Variants in HMCN1 observed in about 807,000 individuals in gnomAD.
HMCN1 encodes the protein hemicentin-1.
In HMCN1, 321 loss-of-function variants were observed where a neutral mutation model predicts 625.9. The ratio of observed to expected loss-of-function variants is 0.51; its 90% confidence interval spans 0.47 to 0.56. HMCN1 has a LOEUF of 0.56. Among genes scored for constraint, HMCN1 ranks in the 20% least tolerant of loss-of-function variants. HMCN1 has a pLI of 0.00. For synonymous variants in HMCN1, 2,425 were observed against 2,417.6 expected (o/e 1.00, Z -0.09); for missense variants, 6,588 against 6,887.3 (o/e 0.96, Z 1.54).
At chr1:186,056,374 T>G (rs1012540235) in intron 45 of HMCN1, among the ~76,000 whole-genome samples, 4 of 152,020 alleles carry the variant, frequency 2.6e-5, no homozygotes, top group African/African-American at 9.7e-5. Flanking sequence ...TTACTCTTAA[T>G]TTTTAGAATT....
intron 105 of HMCN1, among the ~76,000 whole-genome samples, chr1:186,182,694 T>C (rs1653009318): frequency 6.6e-6 from 1 of 152,232 alleles, no homozygotes; most frequent in Non-Finnish European, 1.5e-5. Context: ...AACTTATTTT[T>C]AAAGTGATCA....
intron 1 of HMCN1, among the ~76,000 whole-genome samples, chr1:185,785,006 T>C (rs1170619360): frequency 6.6e-6 from 1 of 152,250 alleles, no homozygotes; most frequent in African/African-American, 2.4e-5. Flanking sequence ...ATGTTTTGCA[T>C]GTAACAATTT....
intron 1 of HMCN1, among the ~76,000 whole-genome samples, chr1:185,775,546 TA>T (rs1656539162): frequency 6.6e-6 from 1 of 152,234 alleles, no homozygotes; most frequent in Non-Finnish European, 1.5e-5. Context: ...TGGTCACATA[TA>T]AACAGGCTGG....
intron 2 of HMCN1, among the ~76,000 whole-genome samples, chr1:185,864,125 T>C (rs886218659): frequency 6.6e-6 from 1 of 152,144 alleles, no homozygotes; most frequent in Admixed American, 6.5e-5. Context: ...GTCTTCTCAA[T>C]ACAATAAGCA....
chr1:185,986,418 C>T (rs1571666974), intron 19 of HMCN1, among the ~76,000 whole-genome samples: 2 of 152,210 alleles, frequency 1.3e-5, no homozygotes, highest in South Asian at 2.1e-4. Flanking sequence ...AAGGAAACGC[C>T]TGTTATAGAT....
chr1:185,891,981 C>G (rs1665124599), intron 4 of HMCN1, among the ~76,000 whole-genome samples: 1 of 151,278 alleles, frequency 6.6e-6, no homozygotes, highest in Admixed American at 6.5e-5. Context: ...TTCACATAGT[C>G]CCACATTTCT....
At chr1:186,152,540 G>C (rs1259743636) in intron 95 of HMCN1, among the ~76,000 whole-genome samples, 1 of 152,130 alleles carries the variant, frequency 6.6e-6, no homozygotes, top group Non-Finnish European at 1.5e-5. Context: ...CCACATTTTT[G>C]CTACATAAAA....
At chr1:186,184,877 C>T (rs1481155909) in intron 105 of HMCN1, among the ~76,000 whole-genome samples, 1 of 152,102 alleles carries the variant, frequency 6.6e-6, no homozygotes, top group African/African-American at 2.4e-5. Flanking sequence ...AGAAACCAGA[C>T]ATCACATCAT....
At chr1:186,019,967 A>T (rs925473958) in intron 35 of HMCN1, among the ~76,000 whole-genome samples, 1 of 152,046 alleles carries the variant, frequency 6.6e-6, no homozygotes, top group Admixed American at 6.6e-5. Context: ...TTTAGCTGTT[A>T]AAAAACTGGT....
intron 86 of HMCN1, among the ~76,000 whole-genome samples, chr1:186,132,721 A>T (rs113883168): frequency 0.019 from 2,814 of 152,034 alleles, 90 homozygotes; most frequent in African/African-American, 0.064. Context: ...ATATGTATAC[A>T]TGTGCCATGT....
Position 186,065,403 on chromosome 1 carries a change from G to A in HMCN1, c.7679G>A (p.Ser2560Asn). The part of the protein sequence containing the change: ...CLASSPAGHK[S>N]RSFSLNVFVS... ...GCTTCCAGTCCAGCTGGCCACAAGA[G>A]CAGGAGCTTCAGTCTTAATGTATTT... Residue 2560 changes from serine to asparagine, a missense_variant, in exon 49 of 107, where the codon AGC becomes AAC. Physicochemically the swap from Ser to Asn is conservative, Grantham distance 46. Coordinates refer to ENST00000271588, the MANE Select transcript of HMCN1 (RefSeq NM_031935.3). 5 of 1,608,162 alleles carry A rather than the reference G, an allele frequency of 3.1e-6. No individual in the cohort carries two copies. Among genetic ancestry groups the A allele is most frequent in the East Asian group, 2.2e-5 (1 of 44,740 alleles).
intron 46 of HMCN1, among the ~76,000 whole-genome samples, chr1:186,059,847 G>A (rs1028965809): frequency 1.3e-5 from 2 of 151,936 alleles, no homozygotes; most frequent in Non-Finnish European, 2.9e-5. Flanking sequence ...GTTTTCACTG[G>A]ATTAAGCGAG....
rs1661993690 is a variant in HMCN1, at chr1:186,132,480, C to A, written c.13312+71C>A. The stretch of plus-strand genomic sequence containing the variant: ...TTACCTAATAAAGAGTATTTATTTT[C>A]TTTAACTCTATAGCAAGTTCATTAG... On this transcript the variant is annotated intron_variant, in intron 86 of 106. Coordinates refer to ENST00000271588, the MANE Select transcript of HMCN1 (RefSeq NM_031935.3). 1.9e-5 allele frequency: 24 copies of A among 1,234,526 alleles called. No individual in the cohort carries two copies. In the South Asian group the frequency reaches 2.7e-4, roughly 14 times the overall value. The allele number at this position is 1,234,526 out of a possible 1,614,324, so 76.5% of individuals were successfully genotyped here. A position where few individuals can be genotyped will look rare whatever the true frequency, so the allele number is the denominator to read the frequency against.
At chr1:185,812,467 A>T (rs1405938522) in intron 1 of HMCN1, among the ~76,000 whole-genome samples, 1 of 152,180 alleles carries the variant, frequency 6.6e-6, no homozygotes, top group African/African-American at 2.4e-5. Flanking sequence ...CTTATTTGAA[A>T]TGCCTTTTAG....
At chr1:186,077,770 C>T (rs775589871) in intron 54 of HMCN1, among the ~76,000 whole-genome samples, 6 of 152,120 alleles carry the variant, frequency 3.9e-5, no homozygotes, top group Non-Finnish European at 8.8e-5. Context: ...GTGTAAACTT[C>T]TATTAAAAGT....
chr1:185,756,867 T>A (rs1053665907), intron 1 of HMCN1, among the ~76,000 whole-genome samples: 3 of 152,214 alleles, frequency 2.0e-5, no homozygotes, highest in Non-Finnish European at 4.4e-5. Context: ...ATGATAACTT[T>A]CCACCTGGTC....
chr1:185,785,720 G>A (rs1657519260), intron 1 of HMCN1, among the ~76,000 whole-genome samples: 2 of 152,286 alleles, frequency 1.3e-5, no homozygotes, highest in South Asian at 2.1e-4. Context: ...TTTTTCTTCA[G>A]TGTAACAAAT....
intron 17 of HMCN1, among the ~76,000 whole-genome samples, chr1:185,981,337 CACACACACACAT>C (rs1270327779): frequency 6.6e-6 from 1 of 152,094 alleles, no homozygotes; most frequent in Non-Finnish European, 1.5e-5. Flanking sequence ...CACACACACA[CACACACACACAT>C]ATTAGAGTTG....
rs925377396 is a variant in HMCN1, at chr1:186,088,551, A to T, written c.9578-55A>T. On this transcript the variant is annotated intron_variant, in intron 62 of 106. Coordinates refer to ENST00000271588, the MANE Select transcript of HMCN1 (RefSeq NM_031935.3). ...AGACATTTTATCATGAATTTTAGAG[A>T]TGTTAAAGTTTAAAGGTTTTTTTAT... is the stretch of plus-strand genomic sequence containing the variant. 10 of 1,562,940 alleles carry T rather than the reference A, an allele frequency of 6.4e-6. No homozygotes were observed. In the East Asian group the frequency reaches 2.0e-4, roughly 32 times the overall value.
Sources: gnomAD v4.1 joint callset for allele counts (sites outside exome capture counted in the v4.1 genomes callset) on GRCh38, gnomAD v4.1.1 for gene constraint, MANE v1.5 for transcripts, NCBI Gene and HGNC (gene_info 2026-07-23, HGNC 2026-07-21) for gene names.